Variants in DAB1 observed in about 807,000 individuals in gnomAD.
The protein encoded by DAB1 is DAB adaptor protein 1.
DAB1 carries 15 observed loss-of-function variants against 64.6 expected under a neutral mutation model. The ratio of observed to expected loss-of-function variants is 0.23; its 90% CI spans 0.16 to 0.36. DAB1 has a LOEUF of 0.36. DAB1 is among the 10% of genes least tolerant of loss of function. The pLI is 1.00. For synonymous variants in DAB1, 235 were observed against 251.9 expected, an observed-to-expected ratio of 0.93 and a Z score of 0.64; for missense variants, 596 against 706.7, an observed-to-expected ratio of 0.84 and a Z score of 1.78.
intron 2 of DAB1, among the ~76,000 whole-genome samples, chr1:57,241,547 T>C (rs1248342203): frequency 2.0e-5 from 3 of 152,206 alleles, no homozygotes; most frequent in Non-Finnish European, 2.9e-5. Flanking sequence ...GAGTGGAGTC[T>C]GGACATCGAA....
chr1:57,566,239 C>T (rs1019281766), intron 7 of DAB1, among the ~76,000 whole-genome samples: 11 of 152,126 alleles, frequency 7.2e-5, no homozygotes, highest in African/African-American at 2.7e-4. Flanking sequence ...AGAACAAAGA[C>T]ACAACATAGC....
intron 6 of DAB1, among the ~76,000 whole-genome samples, chr1:57,733,017 T>C (rs1321563464): frequency 6.6e-6 from 1 of 152,176 alleles, no homozygotes; most frequent in Admixed American, 6.5e-5. Context: ...ACAATATGAC[T>C]AGGTGCCTAC....
intron 6 of DAB1, among the ~76,000 whole-genome samples, chr1:57,803,203 C>T (rs901913540): frequency 6.6e-6 from 1 of 152,194 alleles, no homozygotes; most frequent in African/African-American, 2.4e-5. Flanking sequence ...TACAAGGATG[C>T]CACATCGTTA....
intron 5 of DAB1, among the ~76,000 whole-genome samples, chr1:57,953,789 G>A (rs1057127396): frequency 6.6e-6 from 1 of 152,124 alleles, no homozygotes; most frequent in African/African-American, 2.4e-5. Flanking sequence ...TTATCTGCTG[G>A]TTGGCAGTGG....
intron 5 of DAB1, among the ~76,000 whole-genome samples, chr1:57,940,871 C>A (rs77767545): frequency 0.015 from 2,298 of 152,194 alleles, 56 homozygotes; most frequent in African/African-American, 0.053. Context: ...TTCATTACTC[C>A]AGTGATATGT....
At chr1:57,588,776 A>G (rs1193234981) in intron 7 of DAB1, among the ~76,000 whole-genome samples, 1 of 152,158 alleles carries the variant, frequency 6.6e-6, no homozygotes, top group East Asian at 1.9e-4. Flanking sequence ...AGACCCACGC[A>G]TATCATAACA....
At chr1:57,421,833 G>A (rs1248265086) in intron 1 of DAB1, among the ~76,000 whole-genome samples, 5 of 143,520 alleles carry the variant, frequency 3.5e-5, no homozygotes, top group Admixed American at 1.5e-4. Context: ...GAAAATCTTT[G>A]ATCACTTTCA....
chr1:57,337,909 C>A (rs923296231), intron 1 of DAB1, among the ~76,000 whole-genome samples: 10 of 147,768 alleles, frequency 6.8e-5, no homozygotes, highest in African/African-American at 2.5e-4. Flanking sequence ...TCCCTTCCCT[C>A]CTTCCTTGCT....
At chr1:57,041,390 C>G (rs1647770467) in intron 9 of DAB1, among the ~76,000 whole-genome samples, 1 of 152,168 alleles carries the variant, frequency 6.6e-6, no homozygotes, top group Admixed American at 6.5e-5. Context: ...AACTGGAGAA[C>G]ACTAATTCAA....
At chr1:57,203,731 G>A (rs777044287) in intron 2 of DAB1, among the ~76,000 whole-genome samples, 5 of 152,106 alleles carry the variant, frequency 3.3e-5, no homozygotes, top group African/African-American at 4.8e-5. Flanking sequence ...TCTAATCCAA[G>A]CCCATACTCA....
intron 7 of DAB1, among the ~76,000 whole-genome samples, chr1:57,505,848 T>A (rs892167075): frequency 4.6e-5 from 7 of 152,054 alleles, no homozygotes; most frequent in African/African-American, 1.7e-4. Context: ...TTTTTGTATT[T>A]TTTGTAGTGA....
At chr1:57,677,522 C>G (rs1435516426) in intron 6 of DAB1, among the ~76,000 whole-genome samples, 3 of 152,198 alleles carry the variant, frequency 2.0e-5, no homozygotes, top group Non-Finnish European at 4.4e-5. Context: ...AGGCCTTCCT[C>G]TGGACCGCCA....
chr1:58,084,869 A>T (rs527679884), intron 5 of DAB1, among the ~76,000 whole-genome samples: 9 of 152,036 alleles, frequency 5.9e-5, no homozygotes, highest in African/African-American at 1.7e-4. Flanking sequence ...TGCTTGTCAC[A>T]AGAAATGTGG....
intron 7 of DAB1, among the ~76,000 whole-genome samples, chr1:57,634,922 C>G (rs1646033033): frequency 6.6e-6 from 1 of 152,058 alleles, no homozygotes; most frequent in Non-Finnish European, 1.5e-5. Flanking sequence ...GAAGAAATAG[C>G]CAATAAATGG....
At chr1:58,087,568 T>C (rs1350349768) in intron 5 of DAB1, among the ~76,000 whole-genome samples, 1 of 152,164 alleles carries the variant, frequency 6.6e-6, no homozygotes, top group Non-Finnish European at 1.5e-5. Context: ...CTGTGAATTA[T>C]GCATGACCCC....
chr1:58,131,995 G>C (rs1026625718), intron 5 of DAB1, among the ~76,000 whole-genome samples: 2 of 152,018 alleles, frequency 1.3e-5, no homozygotes, highest in African/African-American at 4.8e-5. Flanking sequence ...CCCAGTTCGA[G>C]CTTCCTGGCT....
chr1:57,817,445 C>T (rs555330262), intron 6 of DAB1, among the ~76,000 whole-genome samples: 6 of 152,354 alleles, frequency 3.9e-5, no homozygotes, highest in African/African-American at 1.4e-4. Flanking sequence ...CGAGCATCCT[C>T]GTCTCTCCAT....
chr1:57,151,807 ATTTTTT>A (rs34012935), intron 2 of DAB1, among the ~76,000 whole-genome samples: 1 of 106,236 alleles, frequency 9.4e-6, no homozygotes, highest in East Asian at 3.0e-4. Context: ...CTAATGTTTA[ATTTTTT>A]TTTTTTTTTT....
chr1:57,815,588 T>C (rs369735770), intron 6 of DAB1, among the ~76,000 whole-genome samples: 8 of 151,900 alleles, frequency 5.3e-5, no homozygotes, highest in African/African-American at 1.9e-4. Flanking sequence ...TTGTAAAATG[T>C]AAAGAGAGGT....
Sources: allele counts gnomAD v4.1 joint callset (sites outside exome capture counted in the v4.1 genomes callset), GRCh38; gene constraint gnomAD v4.1.1; transcripts MANE v1.5; gene names NCBI Gene and HGNC (gene_info 2026-07-23, HGNC 2026-07-21).